The following SLC24A3 variants were observed in gnomAD, a reference collection of about 807,000 sequenced individuals.
SLC24A3 encodes the protein sodium/potassium/calcium exchanger 3.
Under a neutral mutation model 75.8 loss-of-function variants are expected in SLC24A3, and 28 were observed. The observed-to-expected ratio is 0.37, with a 90% CI of 0.27 to 0.51. The LOEUF (loss-of-function observed/expected upper bound fraction) is 0.51. Ranked by LOEUF, SLC24A3 falls within the 20% of genes least tolerant of loss-of-function variation. The pLI, the probability that SLC24A3 is intolerant of heterozygous loss-of-function variation, is 0.94. For missense variants in SLC24A3, 663 were observed against 847.8 expected (o/e 0.78, Z 2.71); for synonymous variants, 372 against 334.1 (o/e 1.11, Z -1.24).
Position 19,590,369 on chromosome 20 carries a change from C to G in SLC24A3, c.612+4825C>G, listed in dbSNP as rs142703841. Among the ~76,000 whole-genome samples the G allele has an allele frequency of 6.1e-3, 933 of 152,124 alleles. 7 individuals carry two copies. Among genetic ancestry groups the G allele is most frequent in the Middle Eastern group, 0.031 (9 of 294 alleles). On this transcript the variant is annotated intron_variant, in intron 6 of 16. Coordinates refer to ENST00000328041, the MANE Select transcript of SLC24A3 (RefSeq NM_020689.4). ...GATTTCTATCTTATTGTTCCCCAGACAAAACCCAACACACAGCTCCCCTGT... is the reference window on the plus strand; with the variant it reads ...GATTTCTATCTTATTGTTCCCCAGAGAAAACCCAACACACAGCTCCCCTGT...
intron 7 of SLC24A3, among the ~76,000 whole-genome samples, chr20:19,663,551 T>A (rs1015336061): frequency 1.2e-4 from 17 of 144,312 alleles, no homozygotes; most frequent in African/African-American, 3.9e-4. Context: ...AAGGCAGAGA[T>A]CAAAGGGGAA....
intron 2 of SLC24A3, among the ~76,000 whole-genome samples, chr20:19,442,127 TC>T (rs1362819141): frequency 1.3e-5 from 2 of 152,236 alleles, no homozygotes; most frequent in African/African-American, 4.8e-5. Flanking sequence ...CTTGGTTTCT[TC>T]CAAGTTTTGG....
rs527538054 is a variant in SLC24A3 at position 19,553,091 on chromosome 20, C to CTCCT, written c.349-26888_349-26885dup. ...CTTCCCTCCCTCCCTCCCTCCCTCCCTCCTTCCTTCCTTCCTTCCTTCCTG... is the reference window on the plus strand; with the variant it reads ...CTTCCCTCCCTCCCTCCCTCCCTCCCTCCTTCCTTCCTTCCTTCCTTCCTTCCTG... On this transcript the variant is annotated intron_variant, in intron 3 of 16. Coordinates refer to ENST00000328041, the MANE Select transcript of SLC24A3 (RefSeq NM_020689.4). 1.5e-3 allele frequency among the ~76,000 whole-genome samples: 193 copies of CTCCT among 129,490 alleles called. 1 individual carries two copies. The highest frequency in any genetic ancestry group is 5.2e-3 in the African/African-American group (176 of 34,066). 85.0% of individuals were successfully genotyped at this position (129,490 alleles called of 152,430 possible).
intron 2 of SLC24A3, among the ~76,000 whole-genome samples, chr20:19,363,590 T>C (rs551992965): frequency 6.6e-6 from 1 of 152,252 alleles, no homozygotes; most frequent in South Asian, 2.1e-4. Flanking sequence ...TGGTGCTCTA[T>C]GGCAAGAGAG....
intron 2 of SLC24A3, among the ~76,000 whole-genome samples, chr20:19,334,501 A>G (rs1034235196): frequency 3.3e-5 from 5 of 152,184 alleles, no homozygotes; most frequent in Non-Finnish European, 7.3e-5. Flanking sequence ...TATTGATTCC[A>G]TAAGTGATCA....
chr20:19,525,995 G>A (rs2030192278), intron 3 of SLC24A3, among the ~76,000 whole-genome samples: 1 of 152,150 alleles, frequency 6.6e-6, no homozygotes, highest in African/African-American at 2.4e-5. Context: ...TAGGGGAGTG[G>A]GAGAGGATGC....
At chr20:19,684,024 GA>G (rs2032643806) in intron 10 of SLC24A3, 151 bp from the exon 11 acceptor site, 1 of 818,746 alleles carries the variant, frequency 1.2e-6, no homozygotes, top group East Asian at 2.7e-5. Context: ...AAGAAATAAG[GA>G]AAGAAGAGTG....
chr20:19,265,822 G>A (rs76994098), intron 1 of SLC24A3: 11,913 of 152,824 alleles, frequency 0.078, 663 homozygotes, highest in Middle Eastern at 0.15. Flanking sequence ...GTCTCTTTCT[G>A]GGAGCTCTGC....
At chr20:19,442,693 G>C (rs1987316368) in intron 2 of SLC24A3, among the ~76,000 whole-genome samples, 1 of 152,164 alleles carries the variant, frequency 6.6e-6, no homozygotes, top group Admixed American at 6.5e-5. Flanking sequence ...TCACAAAACA[G>C]TTAATTTAAT....
chr20:19,717,442 T>C, intron 15 of SLC24A3, 86 bp from the exon 16 acceptor site: 2 of 1,335,276 alleles, frequency 1.5e-6, no homozygotes, highest in Non-Finnish European at 2.1e-6. Flanking sequence ...CTACTCAGAG[T>C]TGCGTAGGCA....
chr20:19,711,460 A>C (rs2032991509), intron 15 of SLC24A3, among the ~76,000 whole-genome samples: 1 of 152,100 alleles, frequency 6.6e-6, no homozygotes, highest in Non-Finnish European at 1.5e-5. Flanking sequence ...GTGCACACAC[A>C]CACATGCACA....
chr20:19,616,389 C>T (rs77473942), intron 6 of SLC24A3, among the ~76,000 whole-genome samples: 3,326 of 152,302 alleles, frequency 0.022, 138 homozygotes, highest in African/African-American at 0.076. Flanking sequence ...ATGCCTGCCA[C>T]GTGTGCTTTA....
intron 16 of SLC24A3, among the ~76,000 whole-genome samples, chr20:19,717,809 C>T (rs2033059315): frequency 6.6e-6 from 1 of 152,128 alleles, no homozygotes; most frequent in Non-Finnish European, 1.5e-5. Flanking sequence ...AAAGGCATGG[C>T]CCTATCTTAC....
At chr20:19,532,692 G>A (rs1184374874) in intron 3 of SLC24A3, among the ~76,000 whole-genome samples, 3 of 152,222 alleles carry the variant, frequency 2.0e-5, no homozygotes, top group Non-Finnish European at 4.4e-5. Context: ...TGGAGCACTT[G>A]CACCAGACAC....
intron 6 of SLC24A3, among the ~76,000 whole-genome samples, chr20:19,622,357 A>G (rs1461603873): frequency 6.6e-6 from 1 of 152,166 alleles, no homozygotes; most frequent in Non-Finnish European, 1.5e-5. Context: ...AAACCAAGAT[A>G]TTATGGCTGG....
At chr20:19,299,198 A>ATTTGTGTGTGTGTG (rs374750267) in intron 2 of SLC24A3, among the ~76,000 whole-genome samples, 3 of 144,912 alleles carry the variant, frequency 2.1e-5, no homozygotes, top group Admixed American at 2.1e-4. Context: ...GTGTGTGTGT[A>ATTTGTGTGTGTGTG]TGTGTGTGTG....
At chr20:19,657,853 G>C (rs914703869) in intron 7 of SLC24A3, among the ~76,000 whole-genome samples, 1 of 151,950 alleles carries the variant, frequency 6.6e-6, no homozygotes, top group African/African-American at 2.4e-5. Context: ...TTTTTCTTCT[G>C]ATTTCCCTTA....
chr20:19,309,848 C>T (rs1290657505), intron 2 of SLC24A3, among the ~76,000 whole-genome samples: 1 of 152,128 alleles, frequency 6.6e-6, no homozygotes, highest in Non-Finnish European at 1.5e-5. Context: ...GGGACTCCTC[C>T]TTGCACCCTG....
In SLC24A3 at chr20:19,272,090, T is replaced by C. The variant is rs571626575; in HGVS notation, c.143-8869T>C. 1.2e-3 allele frequency among the ~76,000 whole-genome samples: 178 copies of C among 152,362 alleles called. 1 individual carries two copies. Among genetic ancestry groups the C allele is most frequent in the African/African-American group, 4.0e-3 (165 of 41,588 alleles). On this transcript the variant is annotated intron_variant, in intron 1 of 16. Coordinates refer to ENST00000328041, the MANE Select transcript of SLC24A3 (RefSeq NM_020689.4). ...AGCAGGGGCTTAGGCCCCTCTCCCT[T>C]TCTCCATCAGAACTTCTGCTTTCTC...
Sources: gnomAD v4.1 joint callset for allele counts (sites outside exome capture counted in the v4.1 genomes callset) on GRCh38, gnomAD v4.1.1 for gene constraint, MANE v1.5 for transcripts, NCBI Gene and HGNC (gene_info 2026-07-23, HGNC 2026-07-21) for gene names.